NCOA1: variants seen among roughly 807,000 people sequenced by gnomAD.
NCOA1 encodes nuclear receptor coactivator 1.
Under a neutral mutation model 150.9 loss-of-function variants are expected in NCOA1, and 35 were observed. The ratio of observed to expected loss-of-function variants is 0.23; its 90% confidence interval spans 0.18 to 0.31. The LOEUF is 0.31. NCOA1 is among the 10% of genes least tolerant of loss of function. NCOA1 has a pLI of 1.00. For synonymous variants in NCOA1, 590 were observed against 630.0 expected (o/e 0.94, Z 0.95); for missense variants, 1,491 against 1,749.3 (o/e 0.85, Z 2.63).
At chr2:24,665,526 T>C (rs577523978) in intron 5 of NCOA1, among the ~76,000 whole-genome samples, 121 of 152,358 alleles carry the variant, frequency 7.9e-4, no homozygotes, top group African/African-American at 2.7e-3. Context: ...ACATCTGTTA[T>C]AGCAGTCAAT....
chr2:24,576,521 C>G (rs1480557376), intron 2 of NCOA1, among the ~76,000 whole-genome samples: 1 of 152,164 alleles, frequency 6.6e-6, no homozygotes. Flanking sequence ...AATCCCACTC[C>G]TGCTCTGACT....
intron 3 of NCOA1, among the ~76,000 whole-genome samples, chr2:24,612,184 C>T (rs142466428): frequency 2.3e-3 from 352 of 152,212 alleles, no homozygotes; most frequent in Non-Finnish European, 3.8e-3. Context: ...CTTAGTTTGG[C>T]AGGATATTAA....
chr2:24,752,966 G>A (rs897507663), intron 20 of NCOA1, among the ~76,000 whole-genome samples: 2 of 151,262 alleles, frequency 1.3e-5, no homozygotes, highest in Non-Finnish European at 2.9e-5. Flanking sequence ...TTGTGTCTTA[G>A]TTATAATGAC....
intron 1 of NCOA1, among the ~76,000 whole-genome samples, chr2:24,495,147 C>T (rs1663150333): frequency 7.3e-6 from 1 of 137,640 alleles, no homozygotes. Context: ...GGTTTGTGGG[C>T]TATAGTATTT....
intron 13 of NCOA1, among the ~76,000 whole-genome samples, chr2:24,709,217 T>C (rs929110811): frequency 5.3e-5 from 8 of 152,240 alleles, no homozygotes; most frequent in Non-Finnish European, 1.0e-4. Flanking sequence ...GCATCTGTTT[T>C]GTGCACATGT....
At chr2:24,568,794 C>A (rs1482658651) in intron 2 of NCOA1, among the ~76,000 whole-genome samples, 1 of 152,148 alleles carries the variant, frequency 6.6e-6, no homozygotes, top group Non-Finnish European at 1.5e-5. Flanking sequence ...TCTGGAAAAG[C>A]AATTACTGTC....
At chr2:24,690,937 GAAA>G (rs932734974) in intron 8 of NCOA1, among the ~76,000 whole-genome samples, 13 of 151,988 alleles carry the variant, frequency 8.6e-5, no homozygotes, top group African/African-American at 3.1e-4. Context: ...AAAGCAAAAG[GAAA>G]AAATGGTTAT....
At position 24,649,229 on chromosome 2, in the gene NCOA1, A is replaced by G. The variant is rs545252031; in HGVS notation, c.-18+5107A>G. Among the ~76,000 whole-genome samples, 310 of 152,346 alleles carry G rather than the reference A, an allele frequency of 2.0e-3. 2 individuals carry two copies. The highest frequency in any genetic ancestry group is 7.0e-3 in the African/African-American group (292 of 41,584). On this transcript the variant is annotated intron_variant, in intron 4 of 22. Coordinates refer to ENST00000348332, the MANE Select transcript of NCOA1 (RefSeq NM_003743.5). The stretch of plus-strand genomic sequence containing the variant: ...TAGACACATGTTACTGCACCCAGCA[A>G]CACTGAAATTTTTATCACTCAGTTT...
chr2:24,553,410 G>A (rs1220623864), intron 1 of NCOA1, among the ~76,000 whole-genome samples: 2 of 152,108 alleles, frequency 1.3e-5, no homozygotes, highest in African/African-American at 4.8e-5. Flanking sequence ...GTAGAGACGG[G>A]GTTTCACCTT....
intron 1 of NCOA1, chr2:24,492,178 G>A (rs1286530777): frequency 6.6e-6 from 1 of 152,140 alleles, no homozygotes; most frequent in African/African-American, 2.4e-5. Context: ...TCCCGAGAAG[G>A]GGTTTCGGAG....
At chr2:24,548,925 C>A (rs1480437035) in intron 1 of NCOA1, among the ~76,000 whole-genome samples, 1 of 152,136 alleles carries the variant, frequency 6.6e-6, no homozygotes, top group Non-Finnish European at 1.5e-5. Context: ...ATGGTGCAAG[C>A]TGTTGGTGGA....
At chr2:24,566,471 G>A (rs572618879) in intron 2 of NCOA1, among the ~76,000 whole-genome samples, 6 of 152,234 alleles carry the variant, frequency 3.9e-5, no homozygotes, top group Admixed American at 1.3e-4. Context: ...TCCTCTCCTC[G>A]AATTTGGCTG....
chr2:24,711,163 T>G (rs781607488), intron 14 of NCOA1, 52 bp downstream of exon 14: 1 of 1,528,102 alleles, frequency 6.5e-7, no homozygotes, highest in South Asian at 1.3e-5. Flanking sequence ...TAATGTGGAT[T>G]AGCATTTTGT....
At chr2:24,685,888 G>A (rs1036560699) in intron 8 of NCOA1, among the ~76,000 whole-genome samples, 2 of 152,166 alleles carry the variant, frequency 1.3e-5, no homozygotes, top group African/African-American at 2.4e-5. Flanking sequence ...CAATGTGAAG[G>A]AAGGACAATC....
intron 1 of NCOA1, among the ~76,000 whole-genome samples, chr2:24,552,398 G>A (rs1317993608): frequency 4.9e-5 from 5 of 101,814 alleles, no homozygotes; most frequent in South Asian, 3.3e-4. Flanking sequence ...ATGGAGTCTC[G>A]CTCTGTTGTC....
chr2:24,643,557 A>C (rs895611843), intron 3 of NCOA1, among the ~76,000 whole-genome samples: 2 of 152,226 alleles, frequency 1.3e-5, no homozygotes, highest in African/African-American at 4.8e-5. Context: ...TCAGTTAGAA[A>C]TTTGAAGACA....
intron 3 of NCOA1, among the ~76,000 whole-genome samples, chr2:24,633,905 C>G (rs988056763): frequency 4.6e-5 from 7 of 152,164 alleles, no homozygotes; most frequent in African/African-American, 9.7e-5. Context: ...TAAGAACATT[C>G]ACTGAGCCAT....
At chr2:24,747,327 CTTTTTTTTT>C (rs148901218) in intron 19 of NCOA1, among the ~76,000 whole-genome samples, 14 of 120,170 alleles carry the variant, frequency 1.2e-4, no homozygotes, top group African/African-American at 4.4e-4. Context: ...TTATTTTTCT[CTTTTTTTTT>C]TTTTTTTTTT....
intron 3 of NCOA1, among the ~76,000 whole-genome samples, chr2:24,591,614 T>G (rs527286872): frequency 6.6e-6 from 1 of 152,234 alleles, no homozygotes; most frequent in East Asian, 1.9e-4. Context: ...GAGGCCAGGC[T>G]ATCTTTTAGT....
Sources: allele counts gnomAD v4.1 joint callset (sites outside exome capture counted in the v4.1 genomes callset), GRCh38; gene constraint gnomAD v4.1.1; transcripts MANE v1.5; gene names NCBI Gene and HGNC (gene_info 2026-07-23, HGNC 2026-07-21).